Variants in ROR1 observed in about 807,000 individuals in gnomAD.
ROR1 encodes the protein inactive tyrosine-protein kinase transmembrane receptor ROR1.
A neutral mutation model predicts 78.8 loss-of-function variants in ROR1; 19 were observed. The observed-to-expected ratio is 0.24, with a 90% CI of 0.17 to 0.35. The LOEUF (loss-of-function observed/expected upper bound fraction) is 0.35. ROR1 is among the 10% of genes least tolerant of loss of function. ROR1 has a pLI of 1.00. For missense variants in ROR1, 917 were observed against 1,177.8 expected, an observed-to-expected ratio of 0.78 and a Z score of 3.24; for synonymous variants, 386 against 433.6, an observed-to-expected ratio of 0.89 and a Z score of 1.36.
chr1:64,139,164 C>CAAAAA (rs755368714), intron 5 of ROR1, among the ~76,000 whole-genome samples: 1 of 20,656 alleles, frequency 4.8e-5, no homozygotes, highest in African/African-American at 1.5e-4. Context: ...GAGACTGTCT[C>CAAAAA]AAAAAAAAAA....
chr1:63,931,205 C>T (rs1211486741), intron 1 of ROR1, among the ~76,000 whole-genome samples: 1 of 152,190 alleles, frequency 6.6e-6, no homozygotes, highest in Non-Finnish European at 1.5e-5. Context: ...TCACTTGAAC[C>T]TGGGAGGCGG....
intron 2 of ROR1, among the ~76,000 whole-genome samples, chr1:64,021,190 T>C (rs1646562812): frequency 6.6e-6 from 1 of 152,210 alleles, no homozygotes; most frequent in Non-Finnish European, 1.5e-5. Flanking sequence ...ACTCTGGCCG[T>C]TGGACTATGG....
At chr1:64,140,565 G>T in intron 6 of ROR1, 139 bp downstream of exon 6, 1 of 710,076 alleles carries the variant, frequency 1.4e-6, no homozygotes. Flanking sequence ...CTGTGCCTGA[G>T]CATTCAGTGG....
chr1:63,961,136 T>A (rs1049251886), intron 1 of ROR1, among the ~76,000 whole-genome samples: 11 of 151,860 alleles, frequency 7.2e-5, no homozygotes, highest in African/African-American at 2.4e-4. Flanking sequence ...TCTTTTTTTT[T>A]AAACTCCCCT....
At chr1:63,932,367 A>G (rs1177268894) in intron 1 of ROR1, among the ~76,000 whole-genome samples, 1 of 152,060 alleles carries the variant, frequency 6.6e-6, no homozygotes, top group Non-Finnish European at 1.5e-5. Context: ...TGGGTGGAAA[A>G]TGAGGAAAAA....
intron 1 of ROR1, among the ~76,000 whole-genome samples, chr1:63,834,187 C>T (rs991279667): frequency 4.0e-5 from 6 of 151,134 alleles, no homozygotes; most frequent in Admixed American, 6.6e-5. Context: ...GAGAAGCCTC[C>T]GGAAGCATGG....
chr1:64,123,674 A>G (rs866432437), intron 4 of ROR1, among the ~76,000 whole-genome samples: 12 of 98,156 alleles, frequency 1.2e-4, no homozygotes, highest in South Asian at 4.4e-4. Flanking sequence ...CTAAGGATAA[A>G]AAACGAGGTA....
chr1:63,979,905 C>G (rs1646195461), intron 1 of ROR1, among the ~76,000 whole-genome samples: 1 of 152,030 alleles, frequency 6.6e-6, no homozygotes, highest in Non-Finnish European at 1.5e-5. Flanking sequence ...TACATATGCA[C>G]AAAACAACAA....
At chr1:64,124,282 A>G (rs1273562232) in intron 4 of ROR1, among the ~76,000 whole-genome samples, 1 of 152,228 alleles carries the variant, frequency 6.6e-6, no homozygotes, top group East Asian at 1.9e-4. Context: ...TAAGAATGTG[A>G]TGAAAGTCTA....
intron 1 of ROR1, among the ~76,000 whole-genome samples, chr1:63,842,876 G>T (rs1645057333): frequency 6.6e-6 from 1 of 151,992 alleles, no homozygotes; most frequent in Non-Finnish European, 1.5e-5. Context: ...GGGAGGAACA[G>T]GTTGGATGTG....
chr1:63,989,792 A>G (rs939925923), intron 1 of ROR1, among the ~76,000 whole-genome samples: 1 of 152,120 alleles, frequency 6.6e-6, no homozygotes, highest in Non-Finnish European at 1.5e-5. Flanking sequence ...AAATCACACC[A>G]TCTCTCCCCT....
chr1:63,940,998 A>G (rs1249994909), intron 1 of ROR1, among the ~76,000 whole-genome samples: 7 of 152,196 alleles, frequency 4.6e-5, no homozygotes. Context: ...AAACTGAGTG[A>G]AGAACATTCC....
At position 64,057,013 on chromosome 1, in the gene ROR1, A is replaced by T. The variant is rs1327599057; in HGVS notation, c.482+6297A>T. ...TGAAACACAAAAGTTTTTCATTTTG[A>T]TGACATTCAATTTATTACCCATTCT... On this transcript the variant is annotated intron_variant, in intron 4 of 8. Transcript: ENST00000371079. Among the ~76,000 whole-genome samples the T allele has an allele frequency of 2.0e-5, 3 of 152,136 alleles. No homozygotes were observed. In the South Asian group the frequency reaches 6.2e-4, roughly 31 times the overall value.
intron 1 of ROR1, among the ~76,000 whole-genome samples, chr1:63,965,048 G>A (rs1646062296): frequency 6.6e-6 from 1 of 152,180 alleles, no homozygotes; most frequent in Non-Finnish European, 1.5e-5. Flanking sequence ...CTAGTATTAT[G>A]ATTGTTTGTT....
intron 1 of ROR1, among the ~76,000 whole-genome samples, chr1:63,951,976 A>G (rs1328719148): frequency 6.6e-6 from 1 of 152,212 alleles, no homozygotes; most frequent in African/African-American, 2.4e-5. Flanking sequence ...GCCAGGCACT[A>G]CTATGAAAAA....
At chr1:64,067,076 G>A (rs1285713731) in intron 4 of ROR1, among the ~76,000 whole-genome samples, 1 of 152,014 alleles carries the variant, frequency 6.6e-6, no homozygotes, top group East Asian at 1.9e-4. Flanking sequence ...GAGGCCAGGC[G>A]CAGTGGCTCA....
intron 1 of ROR1, among the ~76,000 whole-genome samples, chr1:63,827,742 T>C (rs1644964432): frequency 6.6e-6 from 1 of 152,194 alleles, no homozygotes; most frequent in Admixed American, 6.5e-5. Context: ...GGAGAGCTGG[T>C]GCCCTACTCA....
chr1:64,018,257 C>A lies in ROR1; in HGVS notation c.163+8881C>A, dbSNP rs557166769. Among the ~76,000 whole-genome samples, 9 of 152,272 alleles carry A rather than the reference C, an allele frequency of 5.9e-5. No homozygotes were observed. The South Asian group carries it at 1.7e-3, about 28-fold the overall frequency. On this transcript the variant is annotated intron_variant, in intron 2 of 8. Coordinates refer to ENST00000371079, the MANE Select transcript of ROR1 (RefSeq NM_005012.4). ...AAAGGGAGGGGAAACGGAGATTATA[C>A]AAAGTGCTTTACCATGGGGCTCCTC...
chr1:64,066,318 C>CTT (rs747396331), intron 4 of ROR1, among the ~76,000 whole-genome samples: 1,549 of 139,864 alleles, frequency 0.011, 43 homozygotes, highest in African/African-American at 0.039. Flanking sequence ...TTTAAACTCA[C>CTT]TTTTTTTTTT....
Sources: allele counts gnomAD v4.1 joint callset (sites outside exome capture counted in the v4.1 genomes callset), GRCh38; gene constraint gnomAD v4.1.1; transcripts MANE v1.5; gene names NCBI Gene and HGNC (gene_info 2026-07-23, HGNC 2026-07-21).